Variants in EPB41L5 observed in about 807,000 individuals in gnomAD.
EPB41L5 encodes band 4.1-like protein 5.
In EPB41L5, 55 loss-of-function variants were observed where a neutral mutation model predicts 106.6. That is an observed-to-expected ratio of 0.52 (90% CI 0.42 to 0.65). EPB41L5 has a LOEUF of 0.65. Among genes scored for constraint, EPB41L5 ranks in the 30% least tolerant of loss-of-function variants. The pLI is 0.00. For synonymous variants in EPB41L5, 297 were observed against 306.7 expected (o/e 0.97, Z 0.33); for missense variants, 871 against 882.1 (o/e 0.99, Z 0.16).
chr2:120,063,791 A>G (rs896433252), intron 3 of EPB41L5, among the ~76,000 whole-genome samples: 2 of 152,018 alleles, frequency 1.3e-5, no homozygotes, highest in African/African-American at 4.8e-5. Flanking sequence ...AAATAATAAA[A>G]ATTAGCCGGG....
chr2:120,145,939 C>CA, intron 19 of EPB41L5, among the ~76,000 whole-genome samples: 1 of 54,474 alleles, frequency 1.8e-5, no homozygotes, highest in Non-Finnish European at 3.4e-5. Flanking sequence ...GAGTGAGACT[C>CA]AATCTCAAAA....
intron 20 of EPB41L5, among the ~76,000 whole-genome samples, chr2:120,150,773 C>T (rs1460022565): frequency 1.3e-5 from 2 of 151,964 alleles, no homozygotes; most frequent in Non-Finnish European, 2.9e-5. Flanking sequence ...AGACTCTTAC[C>T]GAATACATGA....
At chr2:120,084,061 C>T (rs1370295629) in intron 10 of EPB41L5, among the ~76,000 whole-genome samples, 1 of 152,116 alleles carries the variant, frequency 6.6e-6, no homozygotes, top group Admixed American at 6.6e-5. Context: ...TCCAATTTGC[C>T]AGTCTGTGTC....
intron 18 of EPB41L5, among the ~76,000 whole-genome samples, chr2:120,140,497 TA>T (rs1686124627): frequency 1.3e-5 from 2 of 152,000 alleles, no homozygotes; most frequent in Admixed American, 1.3e-4. Context: ...GTACTACTAA[TA>T]AAGGACATGT....
rs1278404935 is a variant in EPB41L5, at chr2:120,033,729, A to G, written c.181-8277A>G. Among the ~76,000 whole-genome samples the G allele has an allele frequency of 2.2e-5, 3 of 135,970 alleles. 1 individual carries two copies. The South Asian group carries it at 7.0e-4, about 32-fold the overall frequency. 89.2% of individuals were successfully genotyped at this position (135,970 alleles called of 152,430 possible). On this transcript the variant is annotated intron_variant, in intron 2 of 24. Transcript: ENST00000263713. ...ATCTCAAAAAAAAAAAAAAAAAAAA[A>G]GTAATTATGGTTTTTGCAATAGTTT...
chr2:120,141,596 G>T (rs994818281), intron 18 of EPB41L5, among the ~76,000 whole-genome samples: 3 of 152,074 alleles, frequency 2.0e-5, no homozygotes, highest in Non-Finnish European at 4.4e-5. Context: ...AAAAGGGGAG[G>T]TTCAACTATT....
At chr2:120,047,646 C>G (rs1228735682) in intron 3 of EPB41L5, among the ~76,000 whole-genome samples, 1 of 152,072 alleles carries the variant, frequency 6.6e-6, no homozygotes, top group Non-Finnish European at 1.5e-5. Flanking sequence ...AATTGAATAG[C>G]CTTTATTTCT....
chr2:120,074,903 C>T (rs1682122695), intron 5 of EPB41L5, among the ~76,000 whole-genome samples: 1 of 152,118 alleles, frequency 6.6e-6, no homozygotes, highest in Non-Finnish European at 1.5e-5. Context: ...TCTCAGTTCA[C>T]CGCAACCTCT....
At chr2:120,128,746 G>A (rs1473828653) in intron 17 of EPB41L5, among the ~76,000 whole-genome samples, 1 of 150,176 alleles carries the variant, frequency 6.7e-6, no homozygotes, top group African/African-American at 2.5e-5. Context: ...TTTAAATTGT[G>A]CTTGTTAGTC....
At chr2:120,165,375 C>T (rs921714594) in intron 22 of EPB41L5, among the ~76,000 whole-genome samples, 19 of 152,128 alleles carry the variant, frequency 1.2e-4, no homozygotes, top group African/African-American at 4.6e-4. Flanking sequence ...GCTTAAATCT[C>T]ATATAAAATG....
intron 3 of EPB41L5, among the ~76,000 whole-genome samples, chr2:120,062,325 T>C (rs1255052265): frequency 1.3e-5 from 2 of 152,114 alleles, no homozygotes; most frequent in Non-Finnish European, 2.9e-5. Context: ...AACTAAAAAG[T>C]TGAAGGAGTA....
chr2:120,071,839 C>A (rs1463708351), intron 3 of EPB41L5, among the ~76,000 whole-genome samples: 1 of 152,070 alleles, frequency 6.6e-6, no homozygotes, highest in African/African-American at 2.4e-5. Flanking sequence ...AGAAGAAAAC[C>A]TAGGCAGTAC....
intron 23 of EPB41L5, 145 bp from the exon 24 acceptor site, chr2:120,167,732 G>T (rs151049412): frequency 1.0e-5 from 12 of 1,148,444 alleles, no homozygotes; most frequent in Non-Finnish European, 1.5e-5. Flanking sequence ...ATGAAGAATA[G>T]TTAAGAAAAA....
chr2:120,068,823 C>T (rs552129829), intron 3 of EPB41L5, among the ~76,000 whole-genome samples: 23 of 95,710 alleles, frequency 2.4e-4, no homozygotes, highest in Admixed American at 4.7e-4. Flanking sequence ...GCAATTGGAA[C>T]GTTAAAAAAA....
intron 16 of EPB41L5, among the ~76,000 whole-genome samples, chr2:120,119,645 C>T (rs913574397): frequency 6.6e-6 from 1 of 150,426 alleles, no homozygotes; most frequent in African/African-American, 2.5e-5. Flanking sequence ...TTTTTTTTAA[C>T]ACATGCCAAA....
At chr2:120,072,654 A>G (rs1381571947) in intron 3 of EPB41L5, among the ~76,000 whole-genome samples, 1 of 152,190 alleles carries the variant, frequency 6.6e-6, no homozygotes, top group Non-Finnish European at 1.5e-5. Context: ...GCTGGAAACC[A>G]TCATTCTTAG....
At chr2:120,041,324 G>C (rs1679390643) in intron 2 of EPB41L5, among the ~76,000 whole-genome samples, 1 of 152,064 alleles carries the variant, frequency 6.6e-6, no homozygotes, top group Non-Finnish European at 1.5e-5. Context: ...AAGAAACCTA[G>C]GACCTCATGA....
At chr2:120,023,987 T>C (rs1259140269) in intron 2 of EPB41L5, among the ~76,000 whole-genome samples, 1 of 152,196 alleles carries the variant, frequency 6.6e-6, no homozygotes, top group Non-Finnish European at 1.5e-5. Context: ...TTGTCTATTA[T>C]TTGTGTATAG....
chr2:120,075,804 G>C (rs1168816527), intron 7 of EPB41L5, 51 bp downstream of exon 7: 3 of 1,420,464 alleles, frequency 2.1e-6, no homozygotes, highest in Non-Finnish European at 3.0e-6. Context: ...TCTTTTTTGT[G>C]TGTGTTTTTA....
Sources: allele counts gnomAD v4.1 joint callset (sites outside exome capture counted in the v4.1 genomes callset), GRCh38; gene constraint gnomAD v4.1.1; transcripts MANE v1.5; gene names NCBI Gene and HGNC (gene_info 2026-07-23, HGNC 2026-07-21).